Variants in TPX2 observed in about 807,000 individuals in gnomAD.
TPX2 encodes the protein targeting protein for Xklp2.
TPX2 carries 21 observed loss-of-function variants against 93.6 expected under a neutral mutation model. The observed-to-expected ratio is 0.22, with a 90% CI of 0.16 to 0.32. TPX2 has a LOEUF of 0.32. Among genes scored for constraint, TPX2 ranks in the 10% least tolerant of loss-of-function variants. The probability of loss-of-function intolerance (pLI) is 1.00; values close to 1 mark genes in which losing one functional copy is unlikely to be tolerated. For synonymous variants in TPX2, 281 were observed against 298.3 expected (o/e 0.94, Z 0.60); for missense variants, 776 against 871.1 (o/e 0.89, Z 1.37).
intron 1 of TPX2, among the ~76,000 whole-genome samples, chr20:31,742,252 A>G (rs1423824594): frequency 1.4e-5 from 2 of 146,114 alleles, no homozygotes; most frequent in African/African-American, 5.1e-5. Context: ...ATCTTGGCTC[A>G]CTGAAGCTTC....
In TPX2 at chr20:31,752,832, T is replaced by C. The variant is rs139436173; in HGVS notation, c.-70-4575T>C. Among the ~76,000 whole-genome samples, 647 of 152,250 alleles carry C rather than the reference T, an allele frequency of 4.2e-3. 5 individuals are homozygous for C. Among genetic ancestry groups the C allele is most frequent in the African/African-American group, 0.015 (609 of 41,542 alleles). ...GGTTTCACCATGTTAGCCAGGATGG[T>C]CTCAATCTCCTCACCCTGTGATCCA... On this transcript the variant is annotated intron_variant, in intron 2 of 17. Coordinates refer to ENST00000300403, the MANE Select transcript of TPX2 (RefSeq NM_012112.5).
rs140032711 is a variant in TPX2 at position 31,747,480 on chromosome 20, A to G, written c.-71+4833A>G. Among the ~76,000 whole-genome samples the G allele has an allele frequency of 5.8e-3, 887 of 151,654 alleles. 8 individuals are homozygous for G. The highest frequency in any genetic ancestry group is 0.032 in the South Asian group (153 of 4,810). ...TGTCTGTCTATCTATCTATCTATCT[A>G]TCGTTTTAGTCTTCGCTTTTTGGAA... is the stretch of plus-strand genomic sequence containing the variant. On this transcript the variant is annotated intron_variant, in intron 2 of 17. Coordinates refer to ENST00000300403, the MANE Select transcript of TPX2 (RefSeq NM_012112.5).
intron 2 of TPX2, among the ~76,000 whole-genome samples, chr20:31,752,890 AG>A (rs2061828275): frequency 6.6e-6 from 1 of 152,196 alleles, no homozygotes; most frequent in South Asian, 2.1e-4. Context: ...CTGAGGTTAC[AG>A]GTGCGAGCCA....
In TPX2 at chr20:31,797,395, C is replaced by T; in HGVS notation, c.1834-9C>T. 6.2e-7 allele frequency: 1 copy of T among 1,613,772 alleles called. No homozygotes were observed. The highest frequency in any genetic ancestry group is 1.1e-5 in the South Asian group (1 of 91,038). ...ACATTGCTCATCTGACTGACTTTCTCTCTAATAGCTGGAAGAAGAACTGAG... is the reference window on the plus strand; with the variant it reads ...ACATTGCTCATCTGACTGACTTTCTTTCTAATAGCTGGAAGAAGAACTGAG... On this transcript the variant is annotated splice_polypyrimidine_tract_variant and intron_variant, in intron 15 of 17. Coordinates refer to ENST00000300403, the MANE Select transcript of TPX2 (RefSeq NM_012112.5).
At chr20:31,792,524 A>G (rs1244493015) in intron 12 of TPX2, among the ~76,000 whole-genome samples, 1 of 152,064 alleles carries the variant, frequency 6.6e-6, no homozygotes, top group African/African-American at 2.4e-5. Context: ...CAAAAATATC[A>G]TTCTAGGCCA....
intron 2 of TPX2, among the ~76,000 whole-genome samples, chr20:31,744,956 G>A (rs764476979): frequency 2.6e-5 from 4 of 151,986 alleles, no homozygotes; most frequent in Non-Finnish European, 5.9e-5. Context: ...GCATGATGAC[G>A]GGTGCCTGTA....
At chr20:31,764,348 T>G (rs2061911217) in intron 4 of TPX2, among the ~76,000 whole-genome samples, 1 of 152,000 alleles carries the variant, frequency 6.6e-6, no homozygotes, top group African/African-American at 2.4e-5. Flanking sequence ...TTTGTATTTT[T>G]TGTAGAGACA....
At chr20:31,787,181 A>G (rs1317452663) in intron 12 of TPX2, among the ~76,000 whole-genome samples, 1 of 148,882 alleles carries the variant, frequency 6.7e-6, no homozygotes, top group African/African-American at 2.5e-5. Flanking sequence ...ACTTATCCCT[A>G]TTTTTCAGAC....
chr20:31,762,921 GA>G (rs1284319545), intron 4 of TPX2, among the ~76,000 whole-genome samples: 7 of 152,094 alleles, frequency 4.6e-5, no homozygotes, highest in Non-Finnish European at 7.4e-5. Flanking sequence ...ACCATTTATT[GA>G]AAAGACTGTC....
At chr20:31,743,734 T>C (rs2061766796) in intron 2 of TPX2, among the ~76,000 whole-genome samples, 1 of 151,322 alleles carries the variant, frequency 6.6e-6, no homozygotes, top group Non-Finnish European at 1.5e-5. Flanking sequence ...CAGTTTTTTT[T>C]TTTTTTTTTG....
At chr20:31,755,778 A>T (rs1003516660) in intron 2 of TPX2, among the ~76,000 whole-genome samples, 2 of 152,058 alleles carry the variant, frequency 1.3e-5, no homozygotes, top group Non-Finnish European at 2.9e-5. Context: ...AAAAAAAGAC[A>T]AATGGCTCAT....
At chr20:31,796,704 AT>A (rs781035098) in intron 15 of TPX2, among the ~76,000 whole-genome samples, 447 of 140,658 alleles carry the variant, frequency 3.2e-3, no homozygotes, top group Middle Eastern at 7.3e-3. Context: ...TTCTGGTTAG[AT>A]TTTTTTTTTT....
chr20:31,772,019 C>CTT (rs397866298), intron 7 of TPX2, among the ~76,000 whole-genome samples: 29,390 of 125,062 alleles, frequency 0.24, 4,245 homozygotes, highest in African/African-American at 0.36. Context: ...GCCTGGCTAA[C>CTT]TTTTTTTTTT....
In TPX2 at chr20:31,768,431, G is replaced by A. The variant is rs138208957; in HGVS notation, c.356+1749G>A. Among the ~76,000 whole-genome samples, 14 of 146,952 alleles carry A rather than the reference G, an allele frequency of 9.5e-5. No homozygotes were observed. The East Asian group carries it at 2.8e-3, about 29-fold the overall frequency. ...TTTTTTTTTTTTTGTATTTTTAGTAGAGACGGGGTTTCACCGTGTTAGCCA... is the reference window on the plus strand; with the variant it reads ...TTTTTTTTTTTTTGTATTTTTAGTAAAGACGGGGTTTCACCGTGTTAGCCA... On this transcript the variant is annotated intron_variant, in intron 5 of 17. Coordinates refer to ENST00000300403, the MANE Select transcript of TPX2 (RefSeq NM_012112.5).
chr20:31,771,618 A>G lies in TPX2; in HGVS notation c.544A>G (p.Lys182Glu), dbSNP rs1382328614. ...EGSAHQDTAE[K>E]NASSPEKAKG... ...CAGTGCTCATCAAGATACTGCTGAA[A>G]AGAATGCATCTTCCCCAGAGAAAGC... The change falls in exon 7 of 18, where the codon AAG becomes GAG. Residue 182 changes from lysine to glutamate, a missense_variant. Lys to Glu is a moderately conservative substitution (Grantham distance 56). Around this residue, in one of 3 missense-constraint regions of TPX2, gnomAD observed 279 missense variants for 261.6 expected, o/e 1.07. Coordinates refer to ENST00000300403, the MANE Select transcript of TPX2 (RefSeq NM_012112.5). 1 of 1,613,902 alleles carries G rather than the reference A, an allele frequency of 6.2e-7. No homozygotes were observed. Among genetic ancestry groups the G allele is most frequent in the African/African-American group, 1.3e-5 (1 of 74,926 alleles).
intron 4 of TPX2, among the ~76,000 whole-genome samples, chr20:31,765,282 A>AC (rs1219798263): frequency 8.7e-4 from 112 of 128,314 alleles, no homozygotes; most frequent in African/African-American, 3.1e-3. Context: ...ATATACTGAG[A>AC]CCCCCATCTC....
In TPX2 at chr20:31,792,862, C is replaced by G; in HGVS notation, c.1509+32C>G. 3 of 1,579,748 alleles carry G rather than the reference C, an allele frequency of 1.9e-6. No homozygotes were observed. The South Asian group carries it at 3.3e-5, about 17-fold the overall frequency. ...CCCTGGGAGTAGGGGGGTTCTTTTT[C>G]CTTCTATATAGTCAGTCAATCTAAG... is the stretch of plus-strand genomic sequence containing the variant. On this transcript the variant is annotated intron_variant, in intron 13 of 17. Coordinates refer to ENST00000300403, the MANE Select transcript of TPX2 (RefSeq NM_012112.5).
At chr20:31,748,439 A>AT (rs1455962117) in intron 2 of TPX2, among the ~76,000 whole-genome samples, 6 of 152,286 alleles carry the variant, frequency 3.9e-5, no homozygotes, top group Non-Finnish European at 7.4e-5. Context: ...GAATCAATGG[A>AT]TTTTTTAAAA....
At chr20:31,752,173 T>A (rs1473854254) in intron 2 of TPX2, among the ~76,000 whole-genome samples, 1 of 152,228 alleles carries the variant, frequency 6.6e-6, no homozygotes, top group African/African-American at 2.4e-5. Flanking sequence ...TTAAGCCCTA[T>A]GTTTATTGTT....
Sources: allele counts gnomAD v4.1 joint callset (sites outside exome capture counted in the v4.1 genomes callset), GRCh38; gene constraint gnomAD v4.1.1; regional missense constraint gnomAD v4.1.1; transcripts MANE v1.5; gene names NCBI Gene and HGNC (gene_info 2026-07-23, HGNC 2026-07-21).